Variants in POC1B observed in about 807,000 individuals in gnomAD.
POC1B encodes POC1 centriolar protein homolog B.
Under a neutral mutation model 60.6 loss-of-function variants are expected in POC1B, and 44 were observed. That is an observed-to-expected ratio of 0.73 (90% CI 0.57 to 0.93). POC1B has a LOEUF of 0.93. Among genes scored for constraint, POC1B ranks in the 40% least tolerant of loss-of-function variants. The pLI is 0.00. For missense variants in POC1B, 555 were observed against 572.3 expected, an observed-to-expected ratio of 0.97 and a Z score of 0.31; for synonymous variants, 180 against 198.9, an observed-to-expected ratio of 0.90 and a Z score of 0.80.
At chr12:89,510,572 C>T (rs571663297) in intron 2 of POC1B, among the ~76,000 whole-genome samples, 1 of 152,238 alleles carries the variant, frequency 6.6e-6, no homozygotes, top group African/African-American at 2.4e-5. Context: ...GAGATCATCA[C>T]CTTGCATGTT....
chr12:89,456,844 T>C lies in POC1B; in HGVS notation c.1113+2794A>G, dbSNP rs148825879. On this transcript the variant is annotated intron_variant, in intron 10 of 11. Coordinates refer to ENST00000313546, the MANE Select transcript of POC1B (RefSeq NM_172240.3). ...GAGCACAGATATCAGTACACTTCGA[T>C]CTACAAATCTTCCTGAATATAATAT... Among the ~76,000 whole-genome samples, 48 of 152,298 alleles carry C rather than the reference T, an allele frequency of 3.2e-4. No homozygotes were observed. In the East Asian group the frequency reaches 7.5e-3, roughly 24 times the overall value.
chr12:89,448,854 G>A (rs976611262), intron 10 of POC1B, among the ~76,000 whole-genome samples: 4 of 152,154 alleles, frequency 2.6e-5, no homozygotes, highest in African/African-American at 9.7e-5. Flanking sequence ...TATGTACTTG[G>A]CAAGTAGGAA....
intron 8 of POC1B, 91 bp from the exon 9 acceptor site, chr12:89,467,013 T>C: frequency 9.7e-7 from 1 of 1,034,418 alleles, no homozygotes; most frequent in Non-Finnish European, 1.4e-6. Context: ...CAGAATTGTC[T>C]CCCAAAGTAG....
intron 10 of POC1B, among the ~76,000 whole-genome samples, chr12:89,434,497 T>C (rs1328436720): frequency 1.3e-5 from 2 of 152,246 alleles, no homozygotes; most frequent in Non-Finnish European, 1.5e-5. Flanking sequence ...AATTTCCTTC[T>C]ATGTTTCACT....
At chr12:89,499,634 T>G (rs1431592353) in intron 2 of POC1B, among the ~76,000 whole-genome samples, 1 of 152,004 alleles carries the variant, frequency 6.6e-6, no homozygotes, top group Non-Finnish European at 1.5e-5. Flanking sequence ...TTTTTAATTG[T>G]GTTCTCAAAG....
intron 2 of POC1B, chr12:89,523,258 A>G (rs768221290): frequency 6.8e-6 from 11 of 1,613,894 alleles, no homozygotes; most frequent in Non-Finnish European, 9.3e-6. Flanking sequence ...ATTAGGAAAA[A>G]CGTTTTTCAA....
intron 9 of POC1B, among the ~76,000 whole-genome samples, chr12:89,463,947 T>C (rs1290725402): frequency 6.6e-6 from 1 of 152,174 alleles, no homozygotes; most frequent in Non-Finnish European, 1.5e-5. Context: ...CAAACTATTT[T>C]ACTCAGCAGA....
At chr12:89,417,166 T>C (rs1880377691), downstream of POC1B, among the ~76,000 whole-genome samples, 1 of 152,230 alleles carries the variant, frequency 6.6e-6, no homozygotes, top group Admixed American at 6.5e-5. Context: ...TATTTGTAAA[T>C]GAGATACAAA....
In POC1B at chr12:89,500,138, A is replaced by T. The variant is rs967497935; in HGVS notation, c.101-2796T>A. On this transcript the variant is annotated intron_variant, in intron 2 of 11. Coordinates refer to ENST00000313546, the MANE Select transcript of POC1B (RefSeq NM_172240.3). ...TCATCTCAAAAATGGCTACAGAAGA[A>T]GATTTTGTCAACCTTCCAGGGCACG... 23 of 1,545,302 alleles carry T rather than the reference A, an allele frequency of 1.5e-5. 1 individual carries two copies. Among genetic ancestry groups the T allele is most frequent in the Middle Eastern group, 1.8e-4 (1 of 5,458 alleles).
intron 2 of POC1B, among the ~76,000 whole-genome samples, chr12:89,498,574 T>C (rs1037321735): frequency 6.6e-6 from 1 of 152,248 alleles, no homozygotes; most frequent in Non-Finnish European, 1.5e-5. Context: ...CAAAGTTCAT[T>C]TGGGCTCAGC....
At chr12:89,510,427 T>A (rs1870123624) in intron 2 of POC1B, among the ~76,000 whole-genome samples, 1 of 152,180 alleles carries the variant, frequency 6.6e-6, no homozygotes, top group African/African-American at 2.4e-5. Flanking sequence ...CAGCTCTCAG[T>A]CTAGCAGTGA....
Position 89,467,736 on chromosome 12 carries a change from A to G in POC1B, c.811-51T>C, listed in dbSNP as rs923960953. The G allele has an allele frequency of 1.1e-5, 15 of 1,403,078 alleles. No homozygotes were observed. The East Asian group carries it at 3.3e-4, about 31-fold the overall frequency. The allele number at this position is 1,403,078 out of a possible 1,614,324, so 86.9% of individuals were successfully genotyped here. On this transcript the variant is annotated intron_variant, in intron 7 of 11. Transcript: ENST00000313546. ...AAAAAGTACTTGGTAATGCTTTCTCATGGCCAAGAAGACTATGGATATCAA... is the reference window on the plus strand; with the variant it reads ...AAAAAGTACTTGGTAATGCTTTCTCGTGGCCAAGAAGACTATGGATATCAA...
At chr12:89,442,656 A>C (rs946719486) in intron 10 of POC1B, among the ~76,000 whole-genome samples, 2 of 152,226 alleles carry the variant, frequency 1.3e-5, no homozygotes, top group African/African-American at 4.8e-5. Flanking sequence ...AAACATGCCA[A>C]ATTGTAAAGA....
chr12:89,502,103 C>G (rs1172654941), intron 2 of POC1B: 1 of 1,150,804 alleles, frequency 8.7e-7, no homozygotes, highest in Non-Finnish European at 1.3e-6. Flanking sequence ...AATACACCAA[C>G]AGAGTCAAAC....
At position 89,525,901 on chromosome 12, in the gene POC1B, G is replaced by A; in HGVS notation, c.-6C>T. On this transcript the variant is annotated 5_prime_UTR_variant, in exon 1 of 12. Coordinates refer to ENST00000313546, the MANE Select transcript of POC1B (RefSeq NM_172240.3). ...CTTACCGTGGCTGAGGCCATCGGGG[G>A]AGTGGTCGGCCCAAGGCTCCTGTGG... is the stretch of plus-strand genomic sequence containing the variant. 5 of 1,482,404 alleles carry A rather than the reference G, an allele frequency of 3.4e-6. No homozygotes were observed. The highest frequency in any genetic ancestry group is 1.3e-5 in the South Asian group (1 of 74,150). The allele number at this position is 1,482,404 out of a possible 1,614,324, so 91.8% of individuals were successfully genotyped here.
chr12:89,472,503 T>A (rs1882938741), intron 4 of POC1B: 1 of 365,144 alleles, frequency 2.7e-6, no homozygotes, highest in South Asian at 4.5e-5. Context: ...AAGTTGCTTT[T>A]TTCCTTTTAT....
At position 89,520,288 on chromosome 12, in the gene POC1B, G is replaced by A. The variant is rs557865831; in HGVS notation, c.100+4832C>T. ...AAGCCTCATTTCCCTTTTGACAGGA[G>A]CATCAAGATACTAAAATAAAAATAA... On this transcript the variant is annotated intron_variant, in intron 2 of 11. Transcript: ENST00000313546. The A allele has an allele frequency of 2.0e-5, 3 of 152,018 alleles. No individual in the cohort carries two copies. In the South Asian group the frequency reaches 6.2e-4, roughly 32 times the overall value. 9.4% of individuals were successfully genotyped at this position (152,018 alleles called of 1,614,324 possible).
rs76465469 is a variant in POC1B at position 89,502,848 on chromosome 12, G to T, written c.101-5506C>A. ...GAAATACCTTATATAATAAGTACTG[G>T]GGATTCGTTCTATGTTCCTTCAGGT... On this transcript the variant is annotated intron_variant, in intron 2 of 11. Coordinates refer to ENST00000313546, the MANE Select transcript of POC1B (RefSeq NM_172240.3). Among the ~76,000 whole-genome samples, 1,030 of 152,014 alleles carry T rather than the reference G, an allele frequency of 6.8e-3. 12 individuals carry two copies. The highest frequency in any genetic ancestry group is 0.024 in the African/African-American group (993 of 41,450).
In POC1B at chr12:89,497,362, C is replaced by G; in HGVS notation, c.101-20G>C. On this transcript the variant is annotated intron_variant, in intron 2 of 11. Coordinates refer to ENST00000313546, the MANE Select transcript of POC1B (RefSeq NM_172240.3). ...CAGTAGCTATCAAGAAATAGAAGAA[C>G]AAAACCACTGTTTGTTAAAATGCAA... 1 of 1,601,882 alleles carries G rather than the reference C, an allele frequency of 6.2e-7. No homozygotes were observed. The highest frequency in any genetic ancestry group is 8.5e-7 in the Non-Finnish European group (1 of 1,172,050).
Sources: allele counts gnomAD v4.1 joint callset (sites outside exome capture counted in the v4.1 genomes callset), GRCh38; gene constraint gnomAD v4.1.1; transcripts MANE v1.5; gene names NCBI Gene and HGNC (gene_info 2026-07-23, HGNC 2026-07-21).